Variants in RGPD5 observed in about 807,000 individuals in gnomAD.
RGPD5 encodes RANBP2 like and GRIP domain containing 5, also known as RANBP2-like and GRIP domain-containing protein 5/6.
chr2:109,763,521 C>T, the RGPD5 span, among the ~76,000 whole-genome samples: 1 of 149,976 alleles, frequency 6.7e-6, no homozygotes, highest in East Asian at 2.0e-4. Flanking sequence ...AAATTAATTA[C>T]AAAACAAAAC....
the RGPD5 span, among the ~76,000 whole-genome samples, chr2:109,766,734 A>G: frequency 6.7e-6 from 1 of 148,736 alleles, no homozygotes; most frequent in African/African-American, 2.5e-5. Context: ...CTCAATATGG[A>G]ATGCAAGATT....
chr2:109,764,697 G>A, the RGPD5 span, among the ~76,000 whole-genome samples: 1 of 144,090 alleles, frequency 6.9e-6, no homozygotes, highest in Non-Finnish European at 1.5e-5. Context: ...CCATGAAATA[G>A]GTGGCCTTTG....
the RGPD5 span, among the ~76,000 whole-genome samples, chr2:109,763,088 A>C: frequency 6.7e-6 from 1 of 150,140 alleles, no homozygotes; most frequent in African/African-American, 2.4e-5. Flanking sequence ...TTGTTTTCTT[A>C]TTTGAGTCTC....
the RGPD5 span, among the ~76,000 whole-genome samples, chr2:109,760,969 C>T: frequency 7.6e-6 from 1 of 131,304 alleles, no homozygotes; most frequent in Non-Finnish European, 1.6e-5. Context: ...CTGTTTCCCC[C>T]TCTCCTGTTC....
the RGPD5 span, among the ~76,000 whole-genome samples, chr2:109,766,655 C>A: frequency 2.0e-5 from 3 of 148,878 alleles, no homozygotes; most frequent in Admixed American, 6.9e-5. Flanking sequence ...TAATCAATGA[C>A]ACTTGAGCAA....
chr2:109,766,237 G>A, the RGPD5 span, among the ~76,000 whole-genome samples: 4 of 151,300 alleles, frequency 2.6e-5, no homozygotes, highest in African/African-American at 9.7e-5. Context: ...GGCTAGGGCT[G>A]TGGGCAGCAG....
the RGPD5 span, among the ~76,000 whole-genome samples, chr2:109,762,342 G>A: frequency 2.0e-5 from 3 of 150,240 alleles, no homozygotes; most frequent in African/African-American, 7.3e-5. Flanking sequence ...AGAGATGTTG[G>A]TTTCTGGCGC....
At chr2:109,765,333 T>G in the RGPD5 span, among the ~76,000 whole-genome samples, 155 of 149,584 alleles carry the variant, frequency 1.0e-3, 4 homozygotes, top group African/African-American at 3.7e-3. Flanking sequence ...GAAATAACGC[T>G]TATTACTATG....
chr2:109,765,943 G>C, the RGPD5 span, among the ~76,000 whole-genome samples: 5 of 150,464 alleles, frequency 3.3e-5, 1 homozygote, highest in East Asian at 1.0e-3. Flanking sequence ...CTTTCCTCCA[G>C]CTGCAGTAAA....
the RGPD5 span, among the ~76,000 whole-genome samples, chr2:109,766,397 G>A: frequency 6.6e-6 from 1 of 150,550 alleles, no homozygotes; most frequent in Non-Finnish European, 1.5e-5. Context: ...TCAGGGCGCC[G>A]AGAACTTGGG....
the RGPD5 span, among the ~76,000 whole-genome samples, chr2:109,765,374 TTCTTTC>T: frequency 3.5e-3 from 520 of 150,508 alleles, 15 homozygotes; most frequent in African/African-American, 0.012. Flanking sequence ...CCTGTCCTCT[TTCTTTC>T]TCTTTCTTTT....
the RGPD5 span, among the ~76,000 whole-genome samples, chr2:109,777,246 G>A: frequency 1.4e-5 from 2 of 147,584 alleles, no homozygotes; most frequent in Non-Finnish European, 3.0e-5. Context: ...GTGTTTTTAA[G>A]CACAAAAGGA....
At chr2:109,766,641 G>T in the RGPD5 span, among the ~76,000 whole-genome samples, 27 of 149,714 alleles carry the variant, frequency 1.8e-4, 5 homozygotes, top group East Asian at 5.4e-3. Context: ...AACCACAATG[G>T]GTCTAATCAA....
chr2:109,799,293 C>G (rs1573999407), intron 1 of RGPD5, among the ~76,000 whole-genome samples: 1 of 119,416 alleles, frequency 8.4e-6, no homozygotes, highest in East Asian at 2.4e-4. Context: ...TATGTGCTGT[C>G]CTGACTGTTG....
At chr2:109,778,361 CAGAT>C in the RGPD5 span, among the ~76,000 whole-genome samples, 1 of 146,666 alleles carries the variant, frequency 6.8e-6, no homozygotes, top group Non-Finnish European at 1.5e-5. Flanking sequence ...AATGGCATAA[CAGAT>C]AGAAATGATT....
the RGPD5 span, among the ~76,000 whole-genome samples, chr2:109,767,558 A>AAG: frequency 6.8e-6 from 1 of 147,286 alleles, no homozygotes; most frequent in Non-Finnish European, 1.5e-5. Flanking sequence ...ATATCAGAGT[A>AAG]AGAGGACACC....
At chr2:109,764,284 C>T in the RGPD5 span, among the ~76,000 whole-genome samples, 2 of 147,658 alleles carry the variant, frequency 1.4e-5, no homozygotes, top group African/African-American at 5.0e-5. Flanking sequence ...TTTACAGGGG[C>T]AGCAGATATG....
the RGPD5 span, among the ~76,000 whole-genome samples, chr2:109,763,114 G>A: frequency 1.3e-5 from 2 of 150,046 alleles, 1 homozygote; most frequent in African/African-American, 4.9e-5. Context: ...CCTGGAAAGG[G>A]TAAGTAAGTG....
chr2:109,777,329 AATAT>A, the RGPD5 span, among the ~76,000 whole-genome samples: 4 of 148,114 alleles, frequency 2.7e-5, 1 homozygote, highest in South Asian at 8.8e-4. Flanking sequence ...TTAATACTTT[AATAT>A]ACTTTAATAG....
Sources: allele counts gnomAD v4.1 joint callset (sites outside exome capture counted in the v4.1 genomes callset), GRCh38; gene constraint gnomAD v4.1.1; transcripts MANE v1.5; gene names NCBI Gene and HGNC (gene_info 2026-07-23, HGNC 2026-07-21).